Variants in NOX4 observed in about 807,000 individuals in gnomAD.
The protein encoded by NOX4 is NADPH oxidase 4.
A neutral mutation model predicts 87.6 loss-of-function variants in NOX4; 69 were observed. The observed-to-expected ratio is 0.79, with a 90% confidence interval of 0.65 to 0.96. NOX4 has a LOEUF of 0.96. NOX4 is among the 40% of genes least tolerant of loss of function. NOX4 has a pLI of 0.00. For missense variants in NOX4, 680 were observed against 681.5 expected, an observed-to-expected ratio of 1.00 and a Z score of 0.02; for synonymous variants, 275 against 238.2, an observed-to-expected ratio of 1.15 and a Z score of -1.42.
chr11:89,451,844 T>A lies in NOX4; in HGVS notation c.205A>T (p.Ser69Cys), dbSNP rs768079109. The A allele has an allele frequency of 6.2e-7, 1 of 1,613,560 alleles. No individual in the cohort carries two copies. Among genetic ancestry groups the A allele is most frequent in the Non-Finnish European group, 8.5e-7 (1 of 1,179,584 alleles). The change falls in exon 3 of 18, where the codon AGC (serine) becomes TGC (cysteine). Residue 69 changes from serine (S) to cysteine (C), a missense_variant. Physicochemically the swap from Ser to Cys is moderately radical, Grantham distance 112. Coordinates refer to ENST00000263317, the MANE Select transcript of NOX4 (RefSeq NM_016931.5). Reference sequence around the variant, plus strand: ...CGGCACATGGGTAAAAGGATAAGGCTGCAGTTGAGGTTAAGAACAGATGCT... The same window carrying A: ...CGGCACATGGGTAAAAGGATAAGGCAGCAGTTGAGGTTAAGAACAGATGCT... ...ASASVLNLNCSLILLPMCRTL... is the reference protein window; with the variant it reads ...ASASVLNLNCCLILLPMCRTL...
At chr11:89,579,329 G>A in the NOX4 span, among the ~76,000 whole-genome samples, 1 of 152,156 alleles carries the variant, frequency 6.6e-6, no homozygotes, top group Non-Finnish European at 1.5e-5. Context: ...GTGTGTCTGT[G>A]TATGTTCATC....
chr11:89,538,857 A>G, the NOX4 span, among the ~76,000 whole-genome samples: 1 of 152,020 alleles, frequency 6.6e-6, no homozygotes, highest in Non-Finnish European at 1.5e-5. Context: ...AATTTCATAT[A>G]CTGACACCCT....
chr11:89,563,565 C>G, the NOX4 span, among the ~76,000 whole-genome samples: 4 of 152,118 alleles, frequency 2.6e-5, no homozygotes, highest in Non-Finnish European at 5.9e-5. Flanking sequence ...CAAAAAAATA[C>G]AGAAAAACAT....
At chr11:89,407,947 C>T (rs567892677) in intron 8 of NOX4, among the ~76,000 whole-genome samples, 37 of 151,166 alleles carry the variant, frequency 2.4e-4, no homozygotes, top group African/African-American at 9.0e-4. Context: ...ATTCTTATCC[C>T]TTAGGAACCT....
chr11:89,384,584 A>G (rs1940548149), intron 11 of NOX4, among the ~76,000 whole-genome samples: 1 of 152,080 alleles, frequency 6.6e-6, no homozygotes, highest in African/African-American at 2.4e-5. Flanking sequence ...TGACTAAACC[A>G]TTATATAAAC....
chr11:89,358,384 C>G (rs1938238731), intron 12 of NOX4, among the ~76,000 whole-genome samples: 1 of 22,670 alleles, frequency 4.4e-5, no homozygotes. Flanking sequence ...ATAACTTAAT[C>G]TCAAAAAAAA....
intron 7 of NOX4, among the ~76,000 whole-genome samples, chr11:89,427,818 TC>T (rs1418691651): frequency 1.3e-5 from 2 of 152,032 alleles, no homozygotes; most frequent in Non-Finnish European, 2.9e-5. Flanking sequence ...CAGGAGAACT[TC>T]CCCAACCTAG....
intron 2 of NOX4, among the ~76,000 whole-genome samples, chr11:89,485,731 A>G (rs1455467984): frequency 6.6e-6 from 1 of 152,188 alleles, no homozygotes; most frequent in Non-Finnish European, 1.5e-5. Flanking sequence ...CAATCAATGA[A>G]GTGACTTATT....
At chr11:89,521,156 T>C in the NOX4 span, among the ~76,000 whole-genome samples, 1 of 152,256 alleles carries the variant, frequency 6.6e-6, no homozygotes, top group South Asian at 2.1e-4. Context: ...CTTAATATTG[T>C]TTTTCACAGA....
At chr11:89,338,907 G>T (rs1684240956) in intron 15 of NOX4, among the ~76,000 whole-genome samples, 2 of 151,900 alleles carry the variant, frequency 1.3e-5, no homozygotes, top group Non-Finnish European at 2.9e-5. Flanking sequence ...TTCCTTCTTT[G>T]TCCTAACCTG....
intron 2 of NOX4, among the ~76,000 whole-genome samples, chr11:89,465,476 T>C (rs957813367): frequency 1.3e-5 from 2 of 152,222 alleles, no homozygotes; most frequent in Non-Finnish European, 2.9e-5. Flanking sequence ...GAATGATTTA[T>C]AACCCTTTGG....
At chr11:89,560,786 C>T in the NOX4 span, among the ~76,000 whole-genome samples, 2 of 151,398 alleles carry the variant, frequency 1.3e-5, no homozygotes, top group African/African-American at 2.4e-5. Flanking sequence ...AGAACTTACA[C>T]CAGCAACTCC....
intron 13 of NOX4, among the ~76,000 whole-genome samples, chr11:89,347,368 AT>A (rs1170552232): frequency 2.0e-5 from 3 of 152,216 alleles, no homozygotes; most frequent in African/African-American, 7.2e-5. Context: ...GAGGCAAGCA[AT>A]TGCTTTGAGA....
intron 17 of NOX4, among the ~76,000 whole-genome samples, chr11:89,332,629 C>G (rs1319222767): frequency 6.6e-6 from 1 of 151,840 alleles, no homozygotes; most frequent in African/African-American, 2.4e-5. Context: ...GAATTTCTTG[C>G]AGCACCTCCC....
exon 1 of NOX4, chr11:89,498,049 G>C (rs1056417937): frequency 2.0e-5 from 3 of 152,110 alleles, no homozygotes; most frequent in African/African-American, 7.2e-5. Flanking sequence ...TCTCCTGCTA[G>C]AGGCCCATGT....
At chr11:89,534,071 T>C in the NOX4 span, 1 of 152,266 alleles carries the variant, frequency 6.6e-6, no homozygotes, top group Admixed American at 6.5e-5. Context: ...ATTTCTGTTT[T>C]AATCCTTCTC....
chr11:89,551,478 T>C, the NOX4 span, among the ~76,000 whole-genome samples: 1 of 152,196 alleles, frequency 6.6e-6, no homozygotes, highest in Non-Finnish European at 1.5e-5. Context: ...CTTATTTCCT[T>C]GAGCAGTGGT....
chr11:89,396,259 T>G (rs185970306), intron 11 of NOX4, among the ~76,000 whole-genome samples: 9 of 152,126 alleles, frequency 5.9e-5, no homozygotes, highest in East Asian at 5.8e-4. Flanking sequence ...TTATTCTCTT[T>G]GAAGCAATTG....
intron 9 of NOX4, among the ~76,000 whole-genome samples, chr11:89,401,304 T>C (rs2135183133): frequency 6.6e-6 from 1 of 152,208 alleles, no homozygotes; most frequent in East Asian, 1.9e-4. Flanking sequence ...AATCACTTAC[T>C]CTTTGAGTGT....
Sources: allele counts gnomAD v4.1 joint callset (sites outside exome capture counted in the v4.1 genomes callset), GRCh38; gene constraint gnomAD v4.1.1; transcripts MANE v1.5; gene names NCBI Gene and HGNC (gene_info 2026-07-23, HGNC 2026-07-21).